POLN: variants seen among roughly 807,000 people sequenced by gnomAD.
The protein encoded by POLN is DNA polymerase nu, also known as DNA polymerase N.
A neutral mutation model predicts 113.5 loss-of-function variants in POLN; 108 were observed. The observed-to-expected ratio is 0.95, with a 90% CI of 0.81 to 1.12. The LOEUF is 1.12. POLN is among the 50% of genes most tolerant of loss of function. POLN has a pLI of 0.00. For synonymous variants in POLN, 386 were observed against 391.5 expected (o/e 0.99, Z 0.17); for missense variants, 1,097 against 1,077.1 (o/e 1.02, Z -0.26).
At chr4:2,238,607 T>C (rs775490843) in intron 2 of POLN, 2 of 1,569,314 alleles carry the variant, frequency 1.3e-6, no homozygotes, top group Non-Finnish European at 1.7e-6. Flanking sequence ...TACGTACCTA[T>C]GAGTAGAATA....
At chr4:2,091,796 T>TGTGC (rs1553893084) in intron 20 of POLN, among the ~76,000 whole-genome samples, 10 of 134,116 alleles carry the variant, frequency 7.5e-5, no homozygotes, top group Non-Finnish European at 1.4e-4. Context: ...TGTGTGTGTG[T>TGTGC]GTGTGCGCGC....
At chr4:2,072,884 T>C (rs1018059028) in intron 25 of POLN, 84 bp downstream of exon 25, 45 of 1,442,600 alleles carry the variant, frequency 3.1e-5, no homozygotes, top group Non-Finnish European at 4.2e-5. Context: ...CTGCACCCTT[T>C]GGCCTGGCTC....
In POLN at chr4:2,198,676, T is replaced by A; in HGVS notation, c.756A>T (p.Lys252Asn). Reference sequence around the variant, plus strand: ...AGCCATGGCCACCCTCTGCTTGGCGTTTTACTAACACCACAATTCCTCTAA... The same window carrying A: ...AGCCATGGCCACCCTCTGCTTGGCGATTTACTAACACCACAATTCCTCTAA... ...SSVRGIVVLV[K>N]RQAEGGHGCP... The change falls in exon 6 of 26, where the codon AAA becomes AAT. Residue 252 changes from lysine to asparagine, a missense_variant. Transcript: ENST00000511885. The A allele has an allele frequency of 6.2e-7, 1 of 1,612,934 alleles. No homozygotes were observed. The highest frequency in any genetic ancestry group is 8.5e-7 in the Non-Finnish European group (1 of 1,179,592).
At chr4:2,217,571 T>C (rs2108768269) in intron 3 of POLN, among the ~76,000 whole-genome samples, 1 of 152,164 alleles carries the variant, frequency 6.6e-6, no homozygotes, top group East Asian at 1.9e-4. Flanking sequence ...GGTCACTTGA[T>C]GTCACCATGG....
Position 2,198,548 on chromosome 4 carries a change from T to G in POLN, c.884A>C (p.Gln295Pro). 6.2e-7 allele frequency: 1 copy of G among 1,611,576 alleles called. No individual in the cohort carries two copies. Among genetic ancestry groups the G allele is most frequent in the Non-Finnish European group, 8.5e-7 (1 of 1,178,832 alleles). Residue 295 changes from glutamine (Q) to proline (P), a missense_variant, in exon 6 of 26, where the codon CAG becomes CCG. Gln to Pro is a moderately conservative substitution (Grantham distance 76, BLOSUM62 -1). Transcript: ENST00000511885. ...CCGGGCAAATTGTTGATGTGCCTCC[T>G]GTTCTTGGTCCCAGATAGCAGAGTG... The part of the protein sequence containing the change: ...IEHSAIWDQE[Q>P]EAHQQFARNV...
chr4:2,085,445 G>C (rs756655821), intron 21 of POLN, among the ~76,000 whole-genome samples, 168 bp downstream of exon 21: 1 of 151,962 alleles, frequency 6.6e-6, no homozygotes, highest in Non-Finnish European at 1.5e-5. Context: ...GTCCCTTCTC[G>C]TGTGGAACCT....
rs57646250 is a variant in POLN at position 2,181,458 on chromosome 4, A to T, written c.1022-1993T>A. On this transcript the variant is annotated intron_variant, in intron 7 of 25. Coordinates refer to ENST00000511885, the MANE Select transcript of POLN (RefSeq NM_181808.4). The stretch of plus-strand genomic sequence containing the variant: ...ACTGTGCCCAGCCAAAAAAGACAGA[A>T]TATTTTTTTAAATAAAAAAGAATCA... Among the ~76,000 whole-genome samples, 327 of 92,080 alleles carry T rather than the reference A, an allele frequency of 3.6e-3. 2 individuals are homozygous for T. The highest frequency in any genetic ancestry group is 0.029 in the African/African-American group (310 of 10,588). 60.4% of individuals were successfully genotyped at this position (92,080 alleles called of 152,430 possible).
chr4:2,202,723 CAA>C (rs34712930), intron 5 of POLN, among the ~76,000 whole-genome samples: 46 of 36,846 alleles, frequency 1.2e-3, no homozygotes, highest in African/African-American at 4.4e-3. Flanking sequence ...GACTCTGTCT[CAA>C]AAAAAAAAAA....
At chr4:2,122,348 C>T (rs577751509) in intron 19 of POLN, among the ~76,000 whole-genome samples, 25 of 152,060 alleles carry the variant, frequency 1.6e-4, no homozygotes, top group African/African-American at 3.6e-4. Flanking sequence ...GGAAGGAAAG[C>T]GAAAGTGAGA....
chr4:2,085,914 G>A (rs1233870534), intron 20 of POLN, among the ~76,000 whole-genome samples, 170 bp from the exon 21 acceptor site: 1 of 152,160 alleles, frequency 6.6e-6, no homozygotes, highest in East Asian at 1.9e-4. Context: ...ATCGGGACTG[G>A]GGCCTGTGAA....
At chr4:2,221,823 C>T (rs1281140075) in intron 3 of POLN, among the ~76,000 whole-genome samples, 1 of 152,174 alleles carries the variant, frequency 6.6e-6, no homozygotes, top group East Asian at 1.9e-4. Context: ...GATCCACCCG[C>T]CTCAGCCTCC....
At chr4:2,180,918 C>A (rs931354633) in intron 7 of POLN, among the ~76,000 whole-genome samples, 1 of 151,690 alleles carries the variant, frequency 6.6e-6, no homozygotes, top group African/African-American at 2.4e-5. Context: ...AGAGTAAAAC[C>A]TGTAAAAAAG....
chr4:2,163,473 C>T (rs1248743466), intron 13 of POLN, among the ~76,000 whole-genome samples: 3 of 152,268 alleles, frequency 2.0e-5, no homozygotes, highest in Non-Finnish European at 4.4e-5. Flanking sequence ...GGTGGAGCGC[C>T]ATCAGCCACC....
intron 3 of POLN, 134 bp from the exon 4 acceptor site, chr4:2,213,260 T>C (rs1560095963): frequency 4.0e-6 from 2 of 501,326 alleles, no homozygotes; most frequent in East Asian, 3.3e-5. Flanking sequence ...TAAAACAATG[T>C]AATAAAATTC....
chr4:2,223,222 T>C lies in POLN; in HGVS notation c.133+5877A>G, dbSNP rs185365717. Among the ~76,000 whole-genome samples the C allele has an allele frequency of 8.7e-4, 132 of 152,310 alleles. 1 individual carries two copies. The highest frequency in any genetic ancestry group is 3.6e-3 in the Admixed American group (55 of 15,298). On this transcript the variant is annotated intron_variant, in intron 3 of 25. Coordinates refer to ENST00000511885, the MANE Select transcript of POLN (RefSeq NM_181808.4). ...AATGCATCATTAGGTGATTTCATTG[T>C]TATGAAAACATCATAGATCAAGGGT...
At position 2,164,423 on chromosome 4, in the gene POLN, C is replaced by A. The variant is rs184552564; in HGVS notation, c.1555-5212G>T. Reference sequence around the variant, plus strand: ...GGCTGAGGCAGGAGAATTGCTTGAACCCGGGAGGTGGAGGTTGCCGTGAGT... The same window carrying A: ...GGCTGAGGCAGGAGAATTGCTTGAAACCGGGAGGTGGAGGTTGCCGTGAGT... On this transcript the variant is annotated intron_variant, in intron 13 of 25. Transcript: ENST00000511885. Among the ~76,000 whole-genome samples, 908 of 150,738 alleles carry A rather than the reference C, an allele frequency of 6.0e-3. 26 individuals carry two copies. Among genetic ancestry groups the A allele is most frequent in the Admixed American group, 0.053 (803 of 15,092 alleles).
intron 16 of POLN, among the ~76,000 whole-genome samples, chr4:2,153,575 T>C (rs575982545): frequency 2.0e-5 from 3 of 152,178 alleles, no homozygotes; most frequent in South Asian, 4.1e-4. Context: ...AGAAATATCA[T>C]GTTATTTGTA....
At chr4:2,185,898 A>G (rs1733261176) in intron 7 of POLN, among the ~76,000 whole-genome samples, 2 of 152,362 alleles carry the variant, frequency 1.3e-5, no homozygotes, top group Admixed American at 1.3e-4. Context: ...ATAAAAAGAG[A>G]TTATTGGTAA....
chr4:2,120,160 T>C (rs1043512564), intron 19 of POLN, among the ~76,000 whole-genome samples: 23 of 152,218 alleles, frequency 1.5e-4, no homozygotes, highest in African/African-American at 4.8e-4. Context: ...TTACTATATA[T>C]ATAAAGTTTT....
Sources: gnomAD v4.1 joint callset for allele counts (sites outside exome capture counted in the v4.1 genomes callset) on GRCh38, gnomAD v4.1.1 for gene constraint, MANE v1.5 for transcripts, NCBI Gene and HGNC (gene_info 2026-07-23, HGNC 2026-07-21) for gene names.